RNGTT: variants seen among roughly 807,000 people sequenced by gnomAD.
The protein encoded by RNGTT is RNA guanylyltransferase and 5'-phosphatase, also known as mRNA-capping enzyme.
RNGTT carries 33 observed loss-of-function variants against 79.3 expected under a neutral mutation model. That is an observed-to-expected ratio of 0.42 (90% CI 0.32 to 0.56). RNGTT has a LOEUF of 0.56. RNGTT is among the 20% of genes least tolerant of loss of function. The probability of loss-of-function intolerance (pLI) is 0.17; values close to 1 mark genes in which losing one functional copy is unlikely to be tolerated. For missense variants in RNGTT, 497 were observed against 739.1 expected, an observed-to-expected ratio of 0.67 and a Z score of 3.80; for synonymous variants, 222 against 235.9, an observed-to-expected ratio of 0.94 and a Z score of 0.54.
At chr6:88,672,560 G>A (rs1774695658) in intron 14 of RNGTT, among the ~76,000 whole-genome samples, 1 of 152,134 alleles carries the variant, frequency 6.6e-6, no homozygotes, top group African/African-American at 2.4e-5. Context: ...AGGGGGAAGT[G>A]TGGGATGAGG....
intron 13 of RNGTT, among the ~76,000 whole-genome samples, chr6:88,680,674 A>G (rs1775059944): frequency 1.3e-5 from 2 of 151,344 alleles, no homozygotes; most frequent in East Asian, 1.9e-4. Context: ...CTCAGGAGGC[A>G]GAGGTTGCAG....
At chr6:88,776,354 T>C (rs1778881142) in intron 12 of RNGTT, among the ~76,000 whole-genome samples, 1 of 150,132 alleles carries the variant, frequency 6.7e-6, no homozygotes, top group African/African-American at 2.5e-5. Context: ...AGTTTCCCTC[T>C]CGTTGCCCAG....
At chr6:88,817,490 T>TAAAAAAAAAAAAGA (rs1780351006) in intron 11 of RNGTT, among the ~76,000 whole-genome samples, 1 of 44,552 alleles carries the variant, frequency 2.2e-5, no homozygotes, top group African/African-American at 9.7e-5. Context: ...AAAAAATAAG[T>TAAAAAAAAAAAAGA]AAAAAAAAAA....
intron 13 of RNGTT, among the ~76,000 whole-genome samples, chr6:88,761,468 G>C (rs1778249219): frequency 6.6e-6 from 1 of 151,728 alleles, no homozygotes; most frequent in African/African-American, 2.4e-5. Context: ...TCCAGCCTGG[G>C]CAACAGAGTA....
At chr6:88,911,884 G>A (rs994176779) in intron 4 of RNGTT, among the ~76,000 whole-genome samples, 1 of 151,866 alleles carries the variant, frequency 6.6e-6, no homozygotes, top group African/African-American at 2.4e-5. Flanking sequence ...TCTAGAGTTC[G>A]AAACCAGCCT....
At chr6:88,672,725 G>A (rs1774703288) in intron 14 of RNGTT, among the ~76,000 whole-genome samples, 1 of 152,140 alleles carries the variant, frequency 6.6e-6, no homozygotes, top group African/African-American at 2.4e-5. Context: ...TTCAAAAAAA[G>A]TTGAAATAAC....
At chr6:88,630,251 C>G (rs1242117192) in intron 14 of RNGTT, among the ~76,000 whole-genome samples, 1 of 152,230 alleles carries the variant, frequency 6.6e-6, no homozygotes, top group East Asian at 1.9e-4. Context: ...CAGCTGCCAG[C>G]TGCCAAAGAA....
chr6:88,695,809 C>A (rs1458666315), intron 13 of RNGTT, among the ~76,000 whole-genome samples: 3 of 152,124 alleles, frequency 2.0e-5, no homozygotes, highest in African/African-American at 4.8e-5. Flanking sequence ...AAATGGAATA[C>A]TATTTAGCCT....
At chr6:88,719,165 C>A (rs1204132315) in intron 13 of RNGTT, among the ~76,000 whole-genome samples, 1 of 152,128 alleles carries the variant, frequency 6.6e-6, no homozygotes, top group African/African-American at 2.4e-5. Flanking sequence ...TCATGGTTAG[C>A]CTTCTTCAAT....
intron 5 of RNGTT, among the ~76,000 whole-genome samples, chr6:88,905,310 G>T (rs1240221553): frequency 1.3e-5 from 2 of 152,162 alleles, no homozygotes; most frequent in African/African-American, 4.8e-5. Flanking sequence ...AAAGCATATT[G>T]ATTTTACAGG....
chr6:88,708,825 A>G (rs1776228211), intron 13 of RNGTT, among the ~76,000 whole-genome samples: 1 of 152,118 alleles, frequency 6.6e-6, no homozygotes, highest in African/African-American at 2.4e-5. Context: ...AATCTGAACT[A>G]TAAGTTACAG....
chr6:88,927,821 G>A (rs1315198985), intron 4 of RNGTT, among the ~76,000 whole-genome samples: 1 of 149,944 alleles, frequency 6.7e-6, no homozygotes, highest in East Asian at 2.0e-4. Context: ...GCAACAGAGT[G>A]GGATTCCATC....
chr6:88,765,388 A>C (rs1280623771), intron 13 of RNGTT, among the ~76,000 whole-genome samples: 1 of 152,156 alleles, frequency 6.6e-6, no homozygotes, highest in East Asian at 1.9e-4. Flanking sequence ...ATTAATAATT[A>C]TAACCATTTT....
At chr6:88,639,242 T>G (rs1303661604) in intron 14 of RNGTT, among the ~76,000 whole-genome samples, 2 of 152,110 alleles carry the variant, frequency 1.3e-5, no homozygotes, top group African/African-American at 4.8e-5. Flanking sequence ...TACGAGGCTT[T>G]TAAAGTAAGT....
chr6:88,963,463 G>A lies in RNGTT; in HGVS notation c.-54C>T, dbSNP rs1785719242. 13 of 1,491,826 alleles carry A rather than the reference G, an allele frequency of 8.7e-6. No individual in the cohort carries two copies. Among genetic ancestry groups the A allele is most frequent in the South Asian group, 2.6e-5 (2 of 77,596 alleles). 92.4% of individuals were successfully genotyped at this position (1,491,826 alleles called of 1,614,324 possible). ...CTCACCAACGTTCACCGCGCCTTTG[G>A]AGCCGCCTCCCCGTGGTCCGGTGCA... On this transcript the variant is annotated 5_prime_UTR_variant, in exon 1 of 16. Transcript: ENST00000369485.
intron 6 of RNGTT, 52 bp downstream of exon 6, chr6:88,904,663 A>C: frequency 6.6e-7 from 1 of 1,510,556 alleles, no homozygotes; most frequent in South Asian, 1.3e-5. Context: ...AATCTCAATA[A>C]GCTTGCAGAA....
intron 8 of RNGTT, among the ~76,000 whole-genome samples, chr6:88,880,733 T>C (rs1033155633): frequency 1.3e-5 from 2 of 152,170 alleles, no homozygotes; most frequent in Non-Finnish European, 2.9e-5. Context: ...AAATTTATAG[T>C]ACTCAAACTC....
intron 13 of RNGTT, among the ~76,000 whole-genome samples, chr6:88,696,738 T>C (rs540255994): frequency 2.0e-3 from 298 of 152,304 alleles, no homozygotes; most frequent in Non-Finnish European, 3.8e-3. Flanking sequence ...TATTTTTGTG[T>C]AAAGAGTTTC....
chr6:88,916,703 T>C (rs941295346), intron 4 of RNGTT, among the ~76,000 whole-genome samples: 6 of 152,286 alleles, frequency 3.9e-5, no homozygotes, highest in African/African-American at 9.6e-5. Context: ...TAAAAATATA[T>C]GCCAAAAAAA....
Sources: allele counts gnomAD v4.1 joint callset (sites outside exome capture counted in the v4.1 genomes callset), GRCh38; gene constraint gnomAD v4.1.1; transcripts MANE v1.5; gene names NCBI Gene and HGNC (gene_info 2026-07-23, HGNC 2026-07-21).